ADAR: variants seen among roughly 807,000 people sequenced by gnomAD.
ADAR encodes adenosine deaminase RNA specific.
In ADAR, 41 loss-of-function variants were observed where a neutral mutation model predicts 113.2. That is an observed-to-expected ratio of 0.36 (90% confidence interval 0.28 to 0.47). ADAR has a LOEUF of 0.47. Among genes scored for constraint, ADAR ranks in the 20% least tolerant of loss-of-function variants. The pLI is 1.00. For missense variants in ADAR, 1,242 were observed against 1,540.9 expected, an observed-to-expected ratio of 0.81 and a Z score of 3.25; for synonymous variants, 605 against 572.6, an observed-to-expected ratio of 1.06 and a Z score of -0.81.
chr1:154,597,185 C>A lies in ADAR; in HGVS notation c.2017G>T (p.Ala673Ser). Residue 673 changes from alanine (A) to serine (S), a missense_variant, in exon 5 of 15, where the codon GCA (alanine) becomes TCA (serine). Physicochemically the swap from Ala to Ser is moderately conservative, Grantham distance 99. This residue lies in a region of ADAR where 780 missense variants were observed against 1,057.9 expected (regional missense o/e 0.74). Coordinates refer to ENST00000368474, the MANE Select transcript of ADAR (RefSeq NM_001111.5). The part of the protein sequence containing the change: ...PSKKVAKQMA[A>S]EEAMKALHGE... ...TGCAGGGCCTTCATGGCTTCCTCTG[C>A]GGCCATCTGCTTTGCCACTTTCTTG... The A allele has an allele frequency of 6.2e-7, 1 of 1,614,238 alleles. No homozygotes were observed. The highest frequency in any genetic ancestry group is 8.5e-7 in the Non-Finnish European group (1 of 1,180,040).
intron 1 of ADAR, 29 bp downstream of exon 1, chr1:154,607,963 G>C: frequency 6.2e-7 from 1 of 1,611,630 alleles, no homozygotes; most frequent in Non-Finnish European, 8.5e-7. Flanking sequence ...CCCAGACGGC[G>C]GCGAAGGTCC....
chr1:154,590,140 G>GGGCCC, intron 7 of ADAR, 44 bp downstream of exon 7: 1 of 1,373,180 alleles, frequency 7.3e-7, no homozygotes, highest in African/African-American at 1.8e-5. Flanking sequence ...GAGTTAGGAG[G>GGGCCC]ACCCCCCCGC....
intron 6 of ADAR, among the ~76,000 whole-genome samples, chr1:154,592,912 G>A (rs1017594552): frequency 6.6e-6 from 1 of 151,890 alleles, no homozygotes; most frequent in East Asian, 1.9e-4. Flanking sequence ...GAGGCGGGTG[G>A]ATCATCTGAG....
Position 154,601,857 on chromosome 1 carries a change from G to T in ADAR, c.785C>A (p.Pro262Gln). ...AWNQHSGVVR[P>Q]DSHSQGSPNS... Reference sequence around the variant, plus strand: ...TGGGGATCCTTGGCTATGACTGTCTGGTCTTACCACTCCGCTGTGCTGGTT... The same window carrying T: ...TGGGGATCCTTGGCTATGACTGTCTTGTCTTACCACTCCGCTGTGCTGGTT... The change falls in exon 2 of 15, where the codon CCA (proline) becomes CAA (glutamine). Residue 262 changes from proline to glutamine, a missense_variant. Pro to Gln is a moderately conservative substitution (Grantham distance 76, BLOSUM62 -1). Transcript: ENST00000368474. The surrounding 1 kb of genome is among the most constrained non-coding windows in gnomAD (Gnocchi z 4.7). 6.2e-7 allele frequency: 1 copy of T among 1,614,186 alleles called. No individual in the cohort carries two copies.
chr1:154,585,455 C>T, intron 13 of ADAR, 111 bp from the exon 14 acceptor site: 1 of 1,521,934 alleles, frequency 6.6e-7, no homozygotes, highest in Non-Finnish European at 9.0e-7. Context: ...ATGATCTTTC[C>T]CCTGTATTTA....
At chr1:154,627,913 G>GGCCCCCCCCCCCCCCC in exon 1 of ADAR, 4 of 517,158 alleles carry the variant, frequency 7.7e-6, no homozygotes, top group Admixed American at 1.9e-5. Context: ...GTGCGGCCGC[G>GGCCCCCCCCCCCCCCC]ACCCTCCCCC....
chr1:154,588,647 T>C lies in ADAR; in HGVS notation c.2789A>G (p.Tyr930Cys). The C allele has an allele frequency of 1.2e-6, 2 of 1,614,230 alleles. No homozygotes were observed. The highest frequency in any genetic ancestry group is 1.7e-6 in the Non-Finnish European group (2 of 1,180,026). The part of the protein sequence containing the change: ...IRFLYSELMK[Y>C]NSQTAKDSIF... ...ACTATCCTTCGCAGTCTGGGAGTTG[T>C]ATTTCATTAACTCACTGTAGAGAAA... is the stretch of plus-strand genomic sequence containing the variant. Residue 930 changes from tyrosine (Y) to cysteine (C), a missense_variant, in exon 10 of 15, where the codon TAC (tyrosine) becomes TGC (cysteine). By Grantham distance (194) the Tyr-to-Cys change is radical. Around this residue, in one of 2 missense-constraint regions of ADAR, gnomAD observed 780 missense variants for 1,057.9 expected, o/e 0.74. Coordinates refer to ENST00000368474, the MANE Select transcript of ADAR (RefSeq NM_001111.5).
intron 1 of ADAR, among the ~76,000 whole-genome samples, chr1:154,624,676 T>G (rs375659965): frequency 1.3e-4 from 20 of 152,206 alleles, no homozygotes; most frequent in African/African-American, 4.8e-4. Context: ...TTTGAACTCT[T>G]TATCCCTGAT....
rs754593004 is a variant in ADAR at position 154,596,986 on chromosome 1, T to C, written c.2089A>G (p.Met697Val). Residue 697 changes from methionine to valine, a missense_variant, in exon 6 of 15, where the codon ATG (methionine) becomes GTG (valine). By Grantham distance (21) the Met-to-Val change is conservative (BLOSUM62 1). Coordinates refer to ENST00000368474, the MANE Select transcript of ADAR (RefSeq NM_001111.5). ...AAGTTATCAAGTGACTCTGAGATCA[T>C]ACCTTCAGGCTAAAGGAGAATCCAT... Reference protein sequence around the residue: ...SMASDNQPEGMISESLDNLES... With the variant: ...SMASDNQPEGVISESLDNLES... 21 of 1,614,186 alleles carry C rather than the reference T, an allele frequency of 1.3e-5. No homozygotes were observed. Among genetic ancestry groups the C allele is most frequent in the Non-Finnish European group, 1.8e-5 (21 of 1,180,028 alleles).
intron 2 of ADAR, 32 bp from the exon 3 acceptor site, chr1:154,598,617 G>A: frequency 3.1e-6 from 5 of 1,610,052 alleles, no homozygotes; most frequent in Non-Finnish European, 3.4e-6. Context: ...GTGTGAACAG[G>A]AGTCTAGGTC....
At chr1:154,602,813 G>C (rs1697974402) in intron 1 of ADAR, among the ~76,000 whole-genome samples, 187 bp from the exon 2 acceptor site, 1 of 152,190 alleles carries the variant, frequency 6.6e-6, no homozygotes, top group African/African-American at 2.4e-5. Flanking sequence ...CTGCCAACAG[G>C]AACACAGAGA....
rs1696440109 is a variant in ADAR, at chr1:154,582,058, T to C, written c.*2748A>G. 1 of 152,538 alleles carries C rather than the reference T, an allele frequency of 6.6e-6. No homozygotes were observed. Among genetic ancestry groups the C allele is most frequent in the African/African-American group, 2.4e-5 (1 of 41,398 alleles). The allele number at this position is 152,538 out of a possible 1,614,324, so 9.4% of individuals were successfully genotyped here. A position where few individuals can be genotyped will look rare whatever the true frequency, so the allele number is the denominator to read the frequency against. ...CCCCAAGAAACCAGGACTTAAAACT[T>C]TCTAAGAATTCAGATTCTTGTTTTT... On this transcript the variant is annotated 3_prime_UTR_variant, in exon 15 of 15. Coordinates refer to ENST00000368474, the MANE Select transcript of ADAR (RefSeq NM_001111.5).
Position 154,601,504 on chromosome 1 carries a change from T to C in ADAR, c.1138A>G (p.Ile380Val). 1 of 1,614,090 alleles carries C rather than the reference T, an allele frequency of 6.2e-7. No homozygotes were observed. The highest frequency in any genetic ancestry group is 2.2e-5 in the East Asian group (1 of 44,888). ...TCTGCGTTTCTTTTGGTCTCAGGGA[T>C]TGCAGCTGGAGCGGTTTCAGGAACA... ...NSVPETAPAA[I>V]PETKRNAEFL... The change falls in exon 2 of 15, where the codon ATC becomes GTC. Residue 380 changes from isoleucine (I) to valine (V), a missense_variant. By Grantham distance (29) the Ile-to-Val change is conservative. This residue lies in a region of ADAR where 462 missense variants were observed against 483.1 expected (regional missense o/e 0.96). Transcript: ENST00000368474. This position sits in a 1 kb window ranked among gnomAD's most constrained non-coding sequence, Gnocchi z 4.7.
intron 6 of ADAR, among the ~76,000 whole-genome samples, chr1:154,592,280 C>T (rs748071462): frequency 1.3e-5 from 2 of 152,182 alleles, no homozygotes; most frequent in Admixed American, 6.5e-5. Context: ...GGAAGCCCTT[C>T]CCCCTCTCCT....
chr1:154,600,951 A>C lies in ADAR; in HGVS notation c.1601+90T>G, dbSNP rs80197372. 1.3e-4 allele frequency: 202 copies of C among 1,567,270 alleles called. 2 individuals are homozygous for C. In the East Asian group the frequency reaches 2.7e-3, roughly 21 times the overall value. On this transcript the variant is annotated intron_variant, in intron 2 of 14. Transcript: ENST00000368474. ...AAGGAGGAAAAGATAGGCGCCACCA[A>C]ACAGCACTGCTCACAAATCAGCCAA...
intron 7 of ADAR, 70 bp downstream of exon 7, chr1:154,590,114 A>T: frequency 6.6e-7 from 1 of 1,512,356 alleles, no homozygotes; most frequent in Non-Finnish European, 9.1e-7. Flanking sequence ...TGACAGCAAG[A>T]GCCACCTCCA....
intron 1 of ADAR, among the ~76,000 whole-genome samples, chr1:154,627,033 T>C (rs1698958905): frequency 6.6e-6 from 1 of 152,176 alleles, no homozygotes; most frequent in South Asian, 2.1e-4. Context: ...TGTGTAGGCC[T>C]CTGTTTGCAA....
intron 1 of ADAR, among the ~76,000 whole-genome samples, chr1:154,617,967 A>AC (rs1412538017): frequency 6.6e-6 from 1 of 151,810 alleles, no homozygotes; most frequent in Non-Finnish European, 1.5e-5. Flanking sequence ...AACTCTTAGA[A>AC]CCAATACCAG....
intron 4 of ADAR, among the ~76,000 whole-genome samples, chr1:154,597,612 T>C (rs1029395662): frequency 4.6e-5 from 7 of 152,314 alleles, no homozygotes; most frequent in Admixed American, 3.3e-4. Context: ...CTAGTGCTTA[T>C]AGAGGAGATA....
Sources: allele counts gnomAD v4.1 joint callset (sites outside exome capture counted in the v4.1 genomes callset), GRCh38; gene constraint gnomAD v4.1.1; regional missense constraint gnomAD v4.1.1; non-coding constraint Gnocchi (gnomAD v3.1); transcripts MANE v1.5; gene names NCBI Gene and HGNC (gene_info 2026-07-23, HGNC 2026-07-21).